RPS6KC1: variants seen among roughly 807,000 people sequenced by gnomAD.
RPS6KC1 encodes ribosomal protein S6 kinase C1.
RPS6KC1 carries 54 observed loss-of-function variants against 103.8 expected under a neutral mutation model. That is an observed-to-expected ratio of 0.52 (90% CI 0.42 to 0.65). The LOEUF (loss-of-function observed/expected upper bound fraction) is 0.65. RPS6KC1 is among the 30% of genes least tolerant of loss of function. The pLI, the probability that RPS6KC1 is intolerant of heterozygous loss-of-function variation, is 0.00. For missense variants in RPS6KC1, 1,151 were observed against 1,253.8 expected, an observed-to-expected ratio of 0.92 and a Z score of 1.24; for synonymous variants, 439 against 438.7, an observed-to-expected ratio of 1.00 and a Z score of -0.01.
At chr1:213,686,516 A>G in the RPS6KC1 span, among the ~76,000 whole-genome samples, 1 of 152,204 alleles carries the variant, frequency 6.6e-6, no homozygotes, top group Non-Finnish European at 1.5e-5. Flanking sequence ...TAAACTTGCC[A>G]TCATGGTTCA....
At chr1:213,707,256 A>G in the RPS6KC1 span, among the ~76,000 whole-genome samples, 3 of 152,012 alleles carry the variant, frequency 2.0e-5, no homozygotes, top group Non-Finnish European at 4.4e-5. Flanking sequence ...TGGCATGAGA[A>G]GGTATCTCAT....
intron 2 of RPS6KC1, 53 bp from the exon 3 acceptor site, chr1:213,077,643 G>A (rs1558269894): frequency 1.3e-5 from 15 of 1,153,808 alleles, no homozygotes; most frequent in Non-Finnish European, 8.4e-6. Flanking sequence ...TTGTTGTTCA[G>A]ATATCTGAAC....
At chr1:213,712,691 A>G in the RPS6KC1 span, among the ~76,000 whole-genome samples, 3 of 152,298 alleles carry the variant, frequency 2.0e-5, no homozygotes, top group East Asian at 5.8e-4. Context: ...AGACTGTGGG[A>G]AAAGCATAGT....
chr1:213,632,478 A>T, the RPS6KC1 span, among the ~76,000 whole-genome samples: 1 of 152,244 alleles, frequency 6.6e-6, no homozygotes, highest in Admixed American at 6.5e-5. Context: ...GAAAACTAAC[A>T]AACAAAAAGG....
intron 1 of RPS6KC1, among the ~76,000 whole-genome samples, chr1:213,057,728 A>G (rs937830166): frequency 5.2e-5 from 7 of 133,650 alleles, no homozygotes; most frequent in Non-Finnish European, 8.2e-5. Context: ...GATCTAGAGC[A>G]TATCTTTTAA....
chr1:213,553,967 A>G, the RPS6KC1 span, among the ~76,000 whole-genome samples: 6 of 152,062 alleles, frequency 3.9e-5, no homozygotes, highest in South Asian at 2.1e-4. Flanking sequence ...TTTTCTTCCT[A>G]TTCTTTAGGT....
intron 6 of RPS6KC1, among the ~76,000 whole-genome samples, chr1:213,135,046 TGTTA>T (rs1179672636): frequency 6.6e-6 from 1 of 152,152 alleles, no homozygotes; most frequent in East Asian, 1.9e-4. Flanking sequence ...TGGAATATGA[TGTTA>T]GTTGTTGGTT....
chr1:213,839,862 T>G, the RPS6KC1 span: 1 of 152,132 alleles, frequency 6.6e-6, no homozygotes, highest in Non-Finnish European at 1.5e-5. Flanking sequence ...TAACTTAAAA[T>G]AGTTAAAAAG....
chr1:213,286,327 C>CA, the RPS6KC1 span, among the ~76,000 whole-genome samples: 1 of 152,132 alleles, frequency 6.6e-6, no homozygotes, highest in African/African-American at 2.4e-5. Flanking sequence ...CTTCTTGGAG[C>CA]AATAACTGTG....
At chr1:213,117,492 A>C (rs1433556650) in intron 5 of RPS6KC1, 82 bp downstream of exon 5, 1 of 752,910 alleles carries the variant, frequency 1.3e-6, no homozygotes, top group East Asian at 2.6e-5. Flanking sequence ...AAAAAGACAG[A>C]TGTATATAGG....
intron 14 of RPS6KC1, among the ~76,000 whole-genome samples, chr1:213,266,439 T>C (rs2094913628): frequency 6.6e-6 from 1 of 152,118 alleles, no homozygotes; most frequent in Non-Finnish European, 1.5e-5. Flanking sequence ...GGAAAAAAAA[T>C]ATGTACTGTG....
chr1:213,278,001 C>T (rs887540337), downstream of RPS6KC1, among the ~76,000 whole-genome samples: 3 of 151,958 alleles, frequency 2.0e-5, no homozygotes, highest in Non-Finnish European at 4.4e-5. Context: ...TCCAGGAGTT[C>T]GAGGCCAGCC....
the RPS6KC1 span, among the ~76,000 whole-genome samples, chr1:213,798,076 C>T: frequency 6.6e-6 from 1 of 152,192 alleles, no homozygotes; most frequent in Non-Finnish European, 1.5e-5. Flanking sequence ...ATGCCTGAAA[C>T]TCTGTGCTGG....
chr1:213,178,540 C>T (rs2092043143), intron 8 of RPS6KC1, among the ~76,000 whole-genome samples: 1 of 147,994 alleles, frequency 6.8e-6, no homozygotes, highest in Non-Finnish European at 1.5e-5. Flanking sequence ...GACTCTGTCT[C>T]AAAAAAACAA....
rs151311166 is a variant in RPS6KC1, at chr1:213,209,991, A to G, written c.1045-20506A>G. ...AATGCATTATAATTAGTGTGCAGTG[A>G]GCGGTGAGGACGACCAGAGTTGACT... On this transcript the variant is annotated intron_variant, in intron 8 of 14. Coordinates refer to ENST00000366960, the MANE Select transcript of RPS6KC1 (RefSeq NM_012424.6). Among the ~76,000 whole-genome samples the G allele has an allele frequency of 7.0e-4, 106 of 152,174 alleles. 1 individual carries two copies. The East Asian group carries it at 0.018, about 25-fold the overall frequency.
intron 12 of RPS6KC1, among the ~76,000 whole-genome samples, chr1:213,257,682 G>A (rs1433619751): frequency 6.6e-6 from 1 of 150,466 alleles, no homozygotes; most frequent in African/African-American, 2.4e-5. Context: ...TGTACCTACT[G>A]TGAACAAAGC....
At chr1:213,692,892 C>T in the RPS6KC1 span, among the ~76,000 whole-genome samples, 2 of 152,112 alleles carry the variant, frequency 1.3e-5, no homozygotes, top group Non-Finnish European at 2.9e-5. Context: ...CTGACCATCA[C>T]CTGACATTCA....
At position 213,097,709 on chromosome 1, in the gene RPS6KC1, G is replaced by T. The variant is rs982381266; in HGVS notation, c.263-6745G>T. 2.6e-5 allele frequency among the ~76,000 whole-genome samples: 4 copies of T among 152,302 alleles called. No individual in the cohort carries two copies. The East Asian group carries it at 5.8e-4, about 22-fold the overall frequency. On this transcript the variant is annotated intron_variant, in intron 3 of 14. Coordinates refer to ENST00000366960, the MANE Select transcript of RPS6KC1 (RefSeq NM_012424.6). ...ATCTCCATTAAAAATCTGTTCTTTA[G>T]TGTAGCCATCTTTATCAATGATTTT...
chr1:213,350,852 G>C, the RPS6KC1 span, among the ~76,000 whole-genome samples: 1 of 151,904 alleles, frequency 6.6e-6, no homozygotes, highest in East Asian at 1.9e-4. Context: ...TGTATGTATA[G>C]TGTATATACT....
Sources: gnomAD v4.1 joint callset for allele counts (sites outside exome capture counted in the v4.1 genomes callset) on GRCh38, gnomAD v4.1.1 for gene constraint, MANE v1.5 for transcripts, NCBI Gene and HGNC (gene_info 2026-07-23, HGNC 2026-07-21) for gene names.